ASRGL1: variants seen among roughly 807,000 people sequenced by gnomAD.
ASRGL1 encodes the protein isoaspartyl peptidase/L-asparaginase.
ASRGL1 carries 16 observed loss-of-function variants against 22.4 expected under a neutral mutation model. That is an observed-to-expected ratio of 0.71 (90% CI 0.48 to 1.08). ASRGL1 has a LOEUF of 1.08. Ranked by LOEUF, ASRGL1 falls within the 50% of genes least tolerant of loss-of-function variation. The pLI, the probability that ASRGL1 is intolerant of heterozygous loss-of-function variation, is 0.00. For synonymous variants in ASRGL1, 165 were observed against 159.3 expected, an observed-to-expected ratio of 1.04 and a Z score of -0.27; for missense variants, 412 against 410.1, an observed-to-expected ratio of 1.00 and a Z score of -0.04.
At chr11:62,388,342 G>A (rs532845475) in intron 4 of ASRGL1, among the ~76,000 whole-genome samples, 1 of 152,108 alleles carries the variant, frequency 6.6e-6, no homozygotes, top group Non-Finnish European at 1.5e-5. Context: ...CCATAGGCAG[G>A]CAGCATCAGC....
Position 62,343,136 on chromosome 11 carries a change from G to A in ASRGL1, c.190+4969G>A, listed in dbSNP as rs377021793. On this transcript the variant is annotated intron_variant, in intron 2 of 6. Coordinates refer to ENST00000415229, the MANE Select transcript of ASRGL1 (RefSeq NM_001083926.2). ...CTCACTCCTATAATCCCAGCACTTTGGGAGGCCGAGGCAGGCGGATTACCT... is the reference window on the plus strand; with the variant it reads ...CTCACTCCTATAATCCCAGCACTTTAGGAGGCCGAGGCAGGCGGATTACCT... Among the ~76,000 whole-genome samples the A allele has an allele frequency of 1.6e-3, 245 of 151,972 alleles. 1 individual carries two copies. Among genetic ancestry groups the A allele is most frequent in the East Asian group, 7.4e-3 (38 of 5,130 alleles).
intron 2 of ASRGL1, among the ~76,000 whole-genome samples, chr11:62,349,044 C>T (rs1436984376): frequency 6.6e-6 from 1 of 152,062 alleles, no homozygotes; most frequent in Non-Finnish European, 1.5e-5. Flanking sequence ...TCTCGGCTCA[C>T]TGCAACCTCC....
downstream of ASRGL1, among the ~76,000 whole-genome samples, chr11:62,393,942 C>A (rs976333197): frequency 3.3e-5 from 5 of 150,286 alleles, no homozygotes; most frequent in Admixed American, 1.3e-4. Flanking sequence ...CGTGCACAGC[C>A]CTGCCATCTG....
chr11:62,372,536 C>G, intron 4 of ASRGL1: 1 of 959,376 alleles, frequency 1.0e-6, no homozygotes, highest in South Asian at 1.3e-5. Context: ...AAACTAGTTC[C>G]CCAGCGAGTG....
chr11:62,364,065 A>G (rs1310497403), intron 4 of ASRGL1, among the ~76,000 whole-genome samples: 2 of 149,898 alleles, frequency 1.3e-5, no homozygotes, highest in South Asian at 2.1e-4. Context: ...AGGCTGAGGC[A>G]GGAGAATTGC....
intron 4 of ASRGL1, among the ~76,000 whole-genome samples, chr11:62,365,067 CA>C (rs771170549): frequency 0.017 from 1,354 of 81,936 alleles, 11 homozygotes; most frequent in African/African-American, 0.041. Context: ...AACTCCATCT[CA>C]AAAAAAAAAA....
At chr11:62,359,997 CTTTT>C (rs896257646) in intron 4 of ASRGL1, among the ~76,000 whole-genome samples, 1 of 145,094 alleles carries the variant, frequency 6.9e-6, no homozygotes, top group Non-Finnish European at 1.5e-5. Context: ...CAAATTACTT[CTTTT>C]TTTTGTTTTT....
chr11:62,357,234 G>GTTTTA (rs1197408250), intron 4 of ASRGL1, 90 bp downstream of exon 4: 5 of 954,478 alleles, frequency 5.2e-6, no homozygotes, highest in Non-Finnish European at 7.6e-6. Flanking sequence ...CTTTTGTTTT[G>GTTTTA]TTTTGTTTTG....
downstream of ASRGL1, among the ~76,000 whole-genome samples, chr11:62,393,878 T>C (rs1416455711): frequency 1.3e-5 from 2 of 151,614 alleles, no homozygotes; most frequent in African/African-American, 4.9e-5. Flanking sequence ...CTCCATGGCT[T>C]GTGTAATAGC....
At chr11:62,391,847 G>A in intron 6 of ASRGL1, 1 of 736,068 alleles carries the variant, frequency 1.4e-6, no homozygotes. Context: ...TCAGGAGAAG[G>A]GGGCAGTAGA....
At position 62,374,568 on chromosome 11, in the gene ASRGL1, A is replaced by C. The variant is rs148568474; in HGVS notation, c.492-14565A>C. On this transcript the variant is annotated intron_variant, in intron 4 of 6. Coordinates refer to ENST00000415229, the MANE Select transcript of ASRGL1 (RefSeq NM_001083926.2). ...TCTTTAGCTATTGTTACCACTTGTC[A>C]CTGTCTCCATGTTAAAATGCCAAAA... Among the ~76,000 whole-genome samples the C allele has an allele frequency of 2.1e-3, 318 of 152,202 alleles. 4 individuals are homozygous for C. Among genetic ancestry groups the C allele is most frequent in the African/African-American group, 7.3e-3 (305 of 41,508 alleles).
rs187049657 is a variant in ASRGL1, at chr11:62,387,388, C to G, written c.492-1745C>G. Reference sequence around the variant, plus strand: ...AAAGTGGTACTATTAATAATTAAGCCATGACAGCAGGCATACATTTGAACT... The same window carrying G: ...AAAGTGGTACTATTAATAATTAAGCGATGACAGCAGGCATACATTTGAACT... On this transcript the variant is annotated intron_variant, in intron 4 of 6. Transcript: ENST00000415229. Among the ~76,000 whole-genome samples the G allele has an allele frequency of 1.4e-3, 219 of 152,220 alleles. 1 individual carries two copies. Among genetic ancestry groups the G allele is most frequent in the Non-Finnish European group, 1.0e-4 (7 of 68,004 alleles).
intron 2 of ASRGL1, among the ~76,000 whole-genome samples, chr11:62,350,234 C>T (rs529083143): frequency 3.3e-5 from 5 of 152,222 alleles, no homozygotes; most frequent in Non-Finnish European, 7.4e-5. Context: ...AGCATTTTTG[C>T]CCCTGAGATC....
chr11:62,352,634 C>A lies in ASRGL1; in HGVS notation c.191-3691C>A, dbSNP rs746883734. Among the ~76,000 whole-genome samples, 3 of 152,168 alleles carry A rather than the reference C, an allele frequency of 2.0e-5. No homozygotes were observed. The South Asian group carries it at 6.2e-4, about 32-fold the overall frequency. On this transcript the variant is annotated intron_variant, in intron 2 of 6. Transcript: ENST00000415229. ...GAATGAAACCTACCCCTTTTTGGCA[C>A]CTTCCTAATACAATCTGAGAGTATC...
At chr11:62,380,741 T>C (rs1947045403) in intron 4 of ASRGL1, among the ~76,000 whole-genome samples, 1 of 152,086 alleles carries the variant, frequency 6.6e-6, no homozygotes, top group African/African-American at 2.4e-5. Context: ...CCATACTGTT[T>C]TACTCCCTCT....
At chr11:62,367,352 G>A (rs1298749232) in intron 4 of ASRGL1, among the ~76,000 whole-genome samples, 1 of 144,550 alleles carries the variant, frequency 6.9e-6, no homozygotes, top group Non-Finnish European at 1.5e-5. Context: ...AAAAAAAAGA[G>A]AGAGATTTTA....
chr11:62,367,386 C>T (rs1359178432), intron 4 of ASRGL1, among the ~76,000 whole-genome samples: 2 of 151,676 alleles, frequency 1.3e-5, no homozygotes, highest in African/African-American at 4.8e-5. Context: ...TGGTTCACAC[C>T]TGTAATCCCA....
intron 4 of ASRGL1, chr11:62,372,903 T>G (rs1312169817): frequency 6.3e-7 from 1 of 1,587,448 alleles, no homozygotes. Context: ...CTGGAGAATC[T>G]GGAGCCTGGC....
At chr11:62,363,020 G>A (rs1369834324) in intron 4 of ASRGL1, among the ~76,000 whole-genome samples, 1 of 130,258 alleles carries the variant, frequency 7.7e-6, no homozygotes, top group African/African-American at 2.9e-5. Flanking sequence ...CAGGGTTCAC[G>A]CCATTCTCCT....
Sources: allele counts gnomAD v4.1 joint callset (sites outside exome capture counted in the v4.1 genomes callset), GRCh38; gene constraint gnomAD v4.1.1; transcripts MANE v1.5; gene names NCBI Gene and HGNC (gene_info 2026-07-23, HGNC 2026-07-21).